COL8A2: variants seen among roughly 807,000 people sequenced by gnomAD.
COL8A2 encodes collagen alpha-2(VIII) chain.
Under a neutral mutation model 24.0 loss-of-function variants are expected in COL8A2, and 16 were observed. The ratio of observed to expected loss-of-function variants is 0.67; its 90% confidence interval spans 0.45 to 1.01. The LOEUF is 1.01. Ranked by LOEUF, COL8A2 falls within the 50% of genes least tolerant of loss-of-function variation. The pLI, the probability that COL8A2 is intolerant of heterozygous loss-of-function variation, is 0.00. For synonymous variants in COL8A2, 466 were observed against 424.5 expected (o/e 1.10, Z -1.20); for missense variants, 818 against 942.4 (o/e 0.87, Z 1.73).
rs1055406837 is a variant in COL8A2, at chr1:36,109,889, C to T, written c.-17+5819G>A. 1.5e-4 allele frequency among the ~76,000 whole-genome samples: 23 copies of T among 151,236 alleles called. No individual in the cohort carries two copies. The South Asian group carries it at 1.7e-3, about 11-fold the overall frequency. ...GGGATTACAGGTGTAAGCCACTGCGCCAGGCCTTGGAGTAACCACTCTTTT... is the reference window on the plus strand; with the variant it reads ...GGGATTACAGGTGTAAGCCACTGCGTCAGGCCTTGGAGTAACCACTCTTTT... On this transcript the variant is annotated intron_variant, in intron 2 of 3. Transcript: ENST00000397799.
At chr1:36,109,731 A>T (rs182125246) in intron 2 of COL8A2, among the ~76,000 whole-genome samples, 25 of 150,230 alleles carry the variant, frequency 1.7e-4, no homozygotes, top group African/African-American at 5.9e-4. Context: ...CACCACGCCC[A>T]GCTAATTTTT....
Position 36,102,827 on chromosome 1 carries a change from A to C in COL8A2, c.-16-2569T>G, listed in dbSNP as rs1022428345. ...GCTGGGATTACAGGGGCCTGCCACC[A>C]CACCCAGCTAATTTTTTGTATTTAT... is the stretch of plus-strand genomic sequence containing the variant. On this transcript the variant is annotated intron_variant, in intron 2 of 3. Transcript: ENST00000397799. Among the ~76,000 whole-genome samples, 6 of 151,612 alleles carry C rather than the reference A, an allele frequency of 4.0e-5. No individual in the cohort carries two copies. In the South Asian group the frequency reaches 1.0e-3, roughly 26 times the overall value.
rs563176909 is a variant in COL8A2 at position 36,117,049 on chromosome 1, A to G, written c.-61-1297T>C. Among the ~76,000 whole-genome samples, 3 of 152,322 alleles carry G rather than the reference A, an allele frequency of 2.0e-5. No homozygotes were observed. The East Asian group carries it at 5.8e-4, about 29-fold the overall frequency. On this transcript the variant is annotated intron_variant, in intron 1 of 3. Transcript: ENST00000397799. ...GGGATGCCCAGCCAGCCCACCTGGC[A>G]GGGAGGCCTGCAGGCCGCGTCACTC...
intron 2 of COL8A2, among the ~76,000 whole-genome samples, chr1:36,113,213 C>T (rs1205830076): frequency 1.3e-5 from 2 of 152,188 alleles, no homozygotes; most frequent in South Asian, 2.1e-4. Flanking sequence ...CTCAGTCCAT[C>T]GCTGTGTGTC....
intron 2 of COL8A2, among the ~76,000 whole-genome samples, chr1:36,113,156 A>AGCTGGT (rs1643863397): frequency 6.6e-6 from 1 of 152,198 alleles, no homozygotes; most frequent in Non-Finnish European, 1.5e-5. Context: ...GCCAGGGACC[A>AGCTGGT]GCTCAACGCA....
chr1:36,122,801 G>A (rs11263857), intron 1 of COL8A2, among the ~76,000 whole-genome samples: 15,634 of 151,820 alleles, frequency 0.1, 896 homozygotes, highest in South Asian at 0.21. Context: ...TATATCATTC[G>A]CAGCTCACAC....
At chr1:36,121,388 CAAAAAA>C (rs57902365) in intron 1 of COL8A2, among the ~76,000 whole-genome samples, 1,072 of 47,636 alleles carry the variant, frequency 0.023, 7 homozygotes, top group East Asian at 0.058. Context: ...GACTCTGTCT[CAAAAAA>C]AAAAAAAAAA....
Position 36,100,062 on chromosome 1 carries a change from C to T in COL8A2, c.181G>A (p.Gly61Ser), listed in dbSNP as rs368234152. 1.9e-6 allele frequency: 3 copies of T among 1,611,820 alleles called. No individual in the cohort carries two copies. In the South Asian group the frequency reaches 3.3e-5, roughly 18 times the overall value. Reference sequence around the variant, plus strand: ...AGGAGGCTCTCACCCAGGTACTGGCCTTTGCCCTCACGGAAGGGCGGTCCC... The same window carrying T: ...AGGAGGCTCTCACCCAGGTACTGGCTTTTGCCCTCACGGAAGGGCGGTCCC... ...PVGPPFREGK[G>S]QYLEMPLPLL... The change falls in exon 3 of 4, where the codon GGC becomes AGC. Residue 61 changes from glycine to serine, a missense_variant. By Grantham distance (56) the Gly-to-Ser change is moderately conservative (BLOSUM62 0). This residue lies in a region of COL8A2 where 573 missense variants were observed against 616.8 expected (regional missense o/e 0.93). Coordinates refer to ENST00000397799, the MANE Select transcript of COL8A2 (RefSeq NM_005202.4).
chr1:36,114,335 A>AAT (rs1490624513), intron 2 of COL8A2, among the ~76,000 whole-genome samples: 46 of 151,190 alleles, frequency 3.0e-4, no homozygotes, highest in African/African-American at 1.0e-3. Context: ...AAAAAAAAAA[A>AAT]ATACAGGTTC....
At chr1:36,114,236 G>A (rs1344666231) in intron 2 of COL8A2, among the ~76,000 whole-genome samples, 1 of 151,360 alleles carries the variant, frequency 6.6e-6, no homozygotes, top group Non-Finnish European at 1.5e-5. Flanking sequence ...GGAGAATGGC[G>A]GGAACCTGGG....
chr1:36,114,720 G>C lies in COL8A2; in HGVS notation c.-17+988C>G, dbSNP rs186707887. On this transcript the variant is annotated intron_variant, in intron 2 of 3. Transcript: ENST00000397799. ...CCCTCCTGCCTGAGGCGGGCACAGG[G>C]CATGTGCTCGATGAAGCCTGTAGCC... Among the ~76,000 whole-genome samples, 24 of 152,222 alleles carry C rather than the reference G, an allele frequency of 1.6e-4. No individual in the cohort carries two copies. The East Asian group carries it at 4.6e-3, about 29-fold the overall frequency.
intron 2 of COL8A2, among the ~76,000 whole-genome samples, chr1:36,109,998 C>T (rs779076684): frequency 2.1e-5 from 3 of 145,520 alleles, no homozygotes; most frequent in Non-Finnish European, 4.5e-5. Context: ...GGCGCGATCT[C>T]GACTCACTGC....
chr1:36,108,529 G>C (rs946909869), intron 2 of COL8A2, among the ~76,000 whole-genome samples: 3 of 152,206 alleles, frequency 2.0e-5, no homozygotes, highest in Non-Finnish European at 2.9e-5. Flanking sequence ...TGGCGGCCTC[G>C]GGTAGATGCA....
At chr1:36,110,956 C>T (rs898521408) in intron 2 of COL8A2, among the ~76,000 whole-genome samples, 1 of 152,172 alleles carries the variant, frequency 6.6e-6, no homozygotes, top group African/African-American at 2.4e-5. Context: ...GGGCATGACA[C>T]CCAGCCCAAC....
At chr1:36,116,632 C>T (rs1401813983) in intron 1 of COL8A2, among the ~76,000 whole-genome samples, 2 of 152,242 alleles carry the variant, frequency 1.3e-5, no homozygotes, top group Non-Finnish European at 2.9e-5. Context: ...ACTTAAGCTT[C>T]CCCTGAAGGC....
rs962880890 is a variant in COL8A2 at position 36,097,502 on chromosome 1, T to G, written c.*67A>C. On this transcript the variant is annotated 3_prime_UTR_variant, in exon 4 of 4. Transcript: ENST00000397799. ...TTGTTTTTTTTTCCAGGAGGTTCTT[T>G]GTAATTGAAAAGGTCGCTCTACCAC... 4.0e-5 allele frequency: 52 copies of G among 1,298,744 alleles called. No individual in the cohort carries two copies. The highest frequency in any genetic ancestry group is 2.7e-4 in the Middle Eastern group (1 of 3,668). 80.5% of individuals were successfully genotyped at this position (1,298,744 alleles called of 1,614,324 possible).
rs1643583644 is a variant in COL8A2, at chr1:36,097,362, C to T, written c.*207G>A. The T allele has an allele frequency of 1.0e-5, 6 of 581,394 alleles. 1 individual carries two copies. Among genetic ancestry groups the T allele is most frequent in the East Asian group, 2.9e-5 (1 of 34,738 alleles). The allele number at this position is 581,394 out of a possible 1,614,324, so 36.0% of individuals were successfully genotyped here. A position where few individuals can be genotyped will look rare whatever the true frequency, so the allele number is the denominator to read the frequency against. On this transcript the variant is annotated 3_prime_UTR_variant, in exon 4 of 4. Coordinates refer to ENST00000397799, the MANE Select transcript of COL8A2 (RefSeq NM_005202.4). ...GGGTGCAGCCCTGACACTGCACAGA[C>T]ATTTGGGGGAAAGAAACTCAGGCCA...
rs1362887742 is a variant in COL8A2 at position 36,115,945 on chromosome 1, T to C, written c.-61-193A>G. On this transcript the variant is annotated intron_variant, in intron 1 of 3. Coordinates refer to ENST00000397799, the MANE Select transcript of COL8A2 (RefSeq NM_005202.4). This position sits in a 1 kb window ranked among gnomAD's most constrained non-coding sequence, Gnocchi z 5.7. The stretch of plus-strand genomic sequence containing the variant: ...TGGGCATGATGGTGCACGCCTATAG[T>C]CCCAGCTACTTAGGAGGCTGAGGTG... Among the ~76,000 whole-genome samples the C allele has an allele frequency of 6.6e-6, 1 of 151,642 alleles. No individual in the cohort carries two copies. The highest frequency in any genetic ancestry group is 2.4e-5 in the African/African-American group (1 of 41,204).
At position 36,119,779 on chromosome 1, in the gene COL8A2, T is replaced by C. The variant is rs961633594; in HGVS notation, c.-61-4027A>G. Among the ~76,000 whole-genome samples, 5 of 151,896 alleles carry C rather than the reference T, an allele frequency of 3.3e-5. No individual in the cohort carries two copies. The East Asian group carries it at 9.7e-4, about 29-fold the overall frequency. On this transcript the variant is annotated intron_variant, in intron 1 of 3. Transcript: ENST00000397799. Reference sequence around the variant, plus strand: ...CTGGACGGGTGTGGAGACCAAAGAGTTGGCCACCTGGGATCTTTCAGGAGA... The same window carrying C: ...CTGGACGGGTGTGGAGACCAAAGAGCTGGCCACCTGGGATCTTTCAGGAGA...
Sources: gnomAD v4.1 joint callset for allele counts (sites outside exome capture counted in the v4.1 genomes callset) on GRCh38, gnomAD v4.1.1 for gene constraint, gnomAD v4.1.1 regional missense constraint, Gnocchi (gnomAD v3.1) non-coding constraint, MANE v1.5 for transcripts, NCBI Gene and HGNC (gene_info 2026-07-23, HGNC 2026-07-21) for gene names.